The following STIM1 variants were observed in gnomAD, a reference collection of about 807,000 sequenced individuals.
STIM1 encodes stromal interaction molecule 1.
In STIM1, 25 loss-of-function variants were observed where a neutral mutation model predicts 74.7. The observed-to-expected ratio is 0.33, with a 90% CI of 0.24 to 0.47. STIM1 has a LOEUF of 0.47. STIM1 is among the 20% of genes least tolerant of loss of function. The pLI is 1.00. For missense variants in STIM1, 728 were observed against 920.8 expected (o/e 0.79, Z 2.71); for synonymous variants, 328 against 348.8 (o/e 0.94, Z 0.66).
chr11:4,045,964 A>T (rs1203841814), intron 3 of STIM1, among the ~76,000 whole-genome samples: 1 of 145,092 alleles, frequency 6.9e-6, no homozygotes, highest in Non-Finnish European at 1.5e-5. Context: ...ACAGGGTTTC[A>T]CCATGTTGGC....
At chr11:3,855,128 C>T (rs1011735761), upstream of STIM1, 3 of 152,262 alleles carry the variant, frequency 2.0e-5, no homozygotes, top group African/African-American at 7.2e-5. Context: ...GGTTGTCAGG[C>T]GAGGCGCGAG....
intron 12 of STIM1, 87 bp from the exon 13 acceptor site, chr11:4,091,195 C>T (rs578242079): frequency 2.1e-4 from 332 of 1,584,238 alleles, no homozygotes; most frequent in Non-Finnish European, 2.8e-4. Flanking sequence ...CTTGTCTTCT[C>T]GTGTTGTCCC....
intron 1 of STIM1, among the ~76,000 whole-genome samples, chr11:3,934,172 A>G (rs899930979): frequency 6.6e-6 from 1 of 152,082 alleles, no homozygotes; most frequent in Non-Finnish European, 1.5e-5. Context: ...GGAATGGTGG[A>G]AGAGGAAGTG....
At chr11:3,879,607 G>A (rs1047060412) in intron 1 of STIM1, among the ~76,000 whole-genome samples, 1 of 152,142 alleles carries the variant, frequency 6.6e-6, no homozygotes, top group Non-Finnish European at 1.5e-5. Flanking sequence ...GGACAGGAGG[G>A]GATTGTTATC....
intron 1 of STIM1, among the ~76,000 whole-genome samples, chr11:3,940,948 T>A (rs2092997317): frequency 6.6e-6 from 1 of 152,218 alleles, no homozygotes; most frequent in Non-Finnish European, 1.5e-5. Flanking sequence ...AGCTAAGAGC[T>A]TGGACTCTAG....
intron 1 of STIM1, among the ~76,000 whole-genome samples, chr11:3,930,949 GTACTAGGCCCTGC>G (rs2092852374): frequency 6.6e-6 from 1 of 152,212 alleles, no homozygotes; most frequent in East Asian, 1.9e-4. Flanking sequence ...GCCAGGTACT[GTACTAGGCCCTGC>G]TAATCAGAAT....
chr11:3,915,543 G>A (rs997878002), intron 1 of STIM1, among the ~76,000 whole-genome samples: 3 of 151,588 alleles, frequency 2.0e-5, no homozygotes, highest in Non-Finnish European at 2.9e-5. Context: ...GACTACAGGC[G>A]CCCACCAACA....
chr11:3,937,207 C>T (rs1024710982), intron 1 of STIM1, among the ~76,000 whole-genome samples: 5 of 151,740 alleles, frequency 3.3e-5, no homozygotes, highest in African/African-American at 1.2e-4. Flanking sequence ...GGGAGGACCA[C>T]CTGAGCCTAG....
At chr11:3,880,611 T>C (rs997019690) in intron 1 of STIM1, among the ~76,000 whole-genome samples, 2 of 152,172 alleles carry the variant, frequency 1.3e-5, no homozygotes, top group Non-Finnish European at 2.9e-5. Context: ...CAGATATTGC[T>C]CCAAAGCTGT....
chr11:4,087,636 C>T (rs1037555581), intron 12 of STIM1, among the ~76,000 whole-genome samples: 2 of 151,948 alleles, frequency 1.3e-5, no homozygotes, highest in Non-Finnish European at 1.5e-5. Context: ...GAATCAGTCA[C>T]ATTTGCATTT....
intron 2 of STIM1, among the ~76,000 whole-genome samples, chr11:4,013,853 C>T (rs1262195991): frequency 6.6e-6 from 1 of 151,546 alleles, no homozygotes; most frequent in Non-Finnish European, 1.5e-5. Flanking sequence ...TACAGGCACC[C>T]GCCACCATGC....
chr11:3,973,325 A>G (rs112759423), intron 2 of STIM1: 10,620 of 451,498 alleles, frequency 0.024, 765 homozygotes, highest in African/African-American at 0.17. Flanking sequence ...CTCTTTGGCT[A>G]GATGAAACAC....
intron 1 of STIM1, among the ~76,000 whole-genome samples, chr11:3,914,477 C>G (rs550818928): frequency 4.6e-5 from 7 of 152,308 alleles, no homozygotes; most frequent in South Asian, 4.1e-4. Context: ...GAGTCTCACT[C>G]TGTCGCCAGG....
intron 1 of STIM1, among the ~76,000 whole-genome samples, chr11:3,962,238 C>CA (rs1409147725): frequency 6.6e-6 from 1 of 152,124 alleles, no homozygotes; most frequent in East Asian, 1.9e-4. Flanking sequence ...CGTCCTCCCC[C>CA]ACTCCTGGCA....
intron 3 of STIM1, among the ~76,000 whole-genome samples, chr11:4,035,432 G>C (rs566215622): frequency 6.6e-6 from 1 of 151,942 alleles, no homozygotes; most frequent in South Asian, 2.1e-4. Context: ...TAATTTGAGA[G>C]ATTCTTTTTG....
Position 4,091,390 on chromosome 11 carries a change from C to T in STIM1, c.1743C>T (p.Ala581=), listed in dbSNP as rs1181328080. 6.2e-7 allele frequency: 1 copy of T among 1,614,212 alleles called. No homozygotes were observed. The change falls in exon 13 of 13, where the codon GCC becomes GCT. Residue 581 remains alanine (A), a synonymous_variant. Transcript: ENST00000526596. The stretch of plus-strand genomic sequence containing the variant: ...GTGCTGCAGACGAGGCTCTCAATGC[C>T]ATGACTTCCAATGGCAGCCACCGGC... ...MSRAADEALN[A]MTSNGSHRLI...
intron 1 of STIM1, among the ~76,000 whole-genome samples, chr11:3,894,968 C>G (rs1167868745): frequency 1.4e-5 from 2 of 146,584 alleles, no homozygotes; most frequent in African/African-American, 5.1e-5. Context: ...AGGCTGGTCT[C>G]AAACTCCTGA....
At chr11:3,953,716 AT>A (rs2093176923) in intron 1 of STIM1, among the ~76,000 whole-genome samples, 1 of 151,796 alleles carries the variant, frequency 6.6e-6, no homozygotes, top group Admixed American at 6.6e-5. Flanking sequence ...TGATCTCAAC[AT>A]CCATTATTCC....
At chr11:3,937,319 A>ATAATAATAATAG (rs55981710) in intron 1 of STIM1, among the ~76,000 whole-genome samples, 27,930 of 148,854 alleles carry the variant, frequency 0.19, 3,392 homozygotes, top group South Asian at 0.29. Context: ...AATAATAATA[A>ATAATAATAATAG]AATATCTGGA....
Sources: gnomAD v4.1 joint callset for allele counts (sites outside exome capture counted in the v4.1 genomes callset) on GRCh38, gnomAD v4.1.1 for gene constraint, MANE v1.5 for transcripts, NCBI Gene and HGNC (gene_info 2026-07-23, HGNC 2026-07-21) for gene names.